The following PPM1L variants were observed in gnomAD, a reference collection of about 807,000 sequenced individuals.
PPM1L encodes protein phosphatase 1L.
PPM1L carries 13 observed loss-of-function variants against 31.4 expected under a neutral mutation model. The observed-to-expected ratio is 0.41, with a 90% CI of 0.27 to 0.66. The LOEUF (loss-of-function observed/expected upper bound fraction) is 0.66. Ranked by LOEUF, PPM1L falls within the 30% of genes least tolerant of loss-of-function variation. The pLI, the probability that PPM1L is intolerant of heterozygous loss-of-function variation, is 0.29. For missense variants in PPM1L, 326 were observed against 453.7 expected (o/e 0.72, Z 2.56); for synonymous variants, 184 against 175.4 (o/e 1.05, Z -0.39).
At chr3:160,944,865 A>AACATATAT (rs1553748208) in intron 1 of PPM1L, among the ~76,000 whole-genome samples, 7 of 40,994 alleles carry the variant, frequency 1.7e-4, no homozygotes, top group African/African-American at 5.0e-4. Flanking sequence ...TATTATATAT[A>AACATATAT]ATGTTATATA....
chr3:160,787,474 C>G (rs1711970439), intron 1 of PPM1L, among the ~76,000 whole-genome samples: 1 of 151,990 alleles, frequency 6.6e-6, no homozygotes, highest in Non-Finnish European at 1.5e-5. Flanking sequence ...TATTTAAGTT[C>G]CTCATAGATT....
chr3:160,768,205 A>G (rs1186150068), intron 1 of PPM1L, among the ~76,000 whole-genome samples: 1 of 152,156 alleles, frequency 6.6e-6, no homozygotes, highest in African/African-American at 2.4e-5. Context: ...TCTGGCAGGG[A>G]TTTTTGAATT....
At position 161,071,785 on chromosome 3, in the gene PPM1L, A is replaced by G. The variant is rs569265296; in HGVS notation, c.*2628A>G. 6.6e-5 allele frequency: 10 copies of G among 152,208 alleles called. No individual in the cohort carries two copies. The highest frequency in any genetic ancestry group is 9.6e-5 in the African/African-American group (4 of 41,500). The allele number at this position is 152,208 out of a possible 1,614,324, so 9.4% of individuals were successfully genotyped here. A position where few individuals can be genotyped will look rare whatever the true frequency, so the allele number is the denominator to read the frequency against. Reference sequence around the variant, plus strand: ...CAGACATCACTCCTGGGGGTGCCCTATGGTACACTGGCTGCTCCCCAGGGA... The same window carrying G: ...CAGACATCACTCCTGGGGGTGCCCTGTGGTACACTGGCTGCTCCCCAGGGA... On this transcript the variant is annotated 3_prime_UTR_variant, in exon 4 of 4. Coordinates refer to ENST00000498165, the MANE Select transcript of PPM1L (RefSeq NM_139245.4).
chr3:161,047,825 A>G (rs1324216999), intron 2 of PPM1L, among the ~76,000 whole-genome samples: 1 of 151,516 alleles, frequency 6.6e-6, no homozygotes, highest in East Asian at 1.9e-4. Context: ...TGACTAAAAC[A>G]AGAAATGGGG....
At chr3:161,043,906 T>G (rs1385364238) in intron 2 of PPM1L, among the ~76,000 whole-genome samples, 1 of 152,180 alleles carries the variant, frequency 6.6e-6, no homozygotes, top group Non-Finnish European at 1.5e-5. Flanking sequence ...GGCTTGTAAC[T>G]TTCTTGTTTC....
intron 2 of PPM1L, among the ~76,000 whole-genome samples, chr3:160,983,827 A>T (rs1323606819): frequency 6.6e-6 from 1 of 152,200 alleles, no homozygotes; most frequent in Admixed American, 6.5e-5. Flanking sequence ...GGGAGACATC[A>T]CATGTCAGCA....
intron 2 of PPM1L, among the ~76,000 whole-genome samples, chr3:161,058,659 G>A (rs915150866): frequency 1.3e-5 from 2 of 151,934 alleles, no homozygotes; most frequent in Non-Finnish European, 2.9e-5. Flanking sequence ...TCTGAGTCCC[G>A]TTTTCCTCAT....
intron 1 of PPM1L, among the ~76,000 whole-genome samples, chr3:160,841,032 A>C (rs1713863478): frequency 6.6e-6 from 1 of 152,166 alleles, no homozygotes; most frequent in African/African-American, 2.4e-5. Context: ...TCAAGTTGAC[A>C]CCTAAAAGTA....
At chr3:160,908,076 T>A (rs547986623) in intron 1 of PPM1L, among the ~76,000 whole-genome samples, 5 of 152,344 alleles carry the variant, frequency 3.3e-5, no homozygotes, top group African/African-American at 9.6e-5. Flanking sequence ...GAAGTTTTTT[T>A]AATTCTTTGT....
chr3:160,954,920 CTTCT>C (rs748122130), intron 1 of PPM1L, among the ~76,000 whole-genome samples: 7,501 of 109,172 alleles, frequency 0.069, 339 homozygotes, highest in African/African-American at 0.15. Flanking sequence ...TCCTTCCTTC[CTTCT>C]TTCCTTCCTT....
intron 1 of PPM1L, among the ~76,000 whole-genome samples, chr3:160,872,280 A>C (rs1712335444): frequency 6.6e-6 from 1 of 152,224 alleles, no homozygotes; most frequent in Non-Finnish European, 1.5e-5. Context: ...AACAATTCTT[A>C]GGTATCATTG....
chr3:160,884,931 G>C (rs1039818114), intron 1 of PPM1L, among the ~76,000 whole-genome samples: 1 of 152,170 alleles, frequency 6.6e-6, no homozygotes. Context: ...ACCTTCTGTT[G>C]TTCCCTGATC....
At chr3:160,821,238 ATATAAT>A (rs1351188770) in intron 1 of PPM1L, among the ~76,000 whole-genome samples, 1 of 148,490 alleles carries the variant, frequency 6.7e-6, no homozygotes, top group East Asian at 1.9e-4. Flanking sequence ...TATAAAAAAC[ATATAAT>A]TATATGTTTA....
intron 1 of PPM1L, among the ~76,000 whole-genome samples, chr3:160,809,078 C>A (rs765074002): frequency 1.5e-4 from 23 of 152,168 alleles, no homozygotes; most frequent in Non-Finnish European, 1.3e-4. Context: ...CACCAGCAAG[C>A]GTCCCAGAAT....
At chr3:160,963,683 AG>A (rs1716040798) in intron 2 of PPM1L, among the ~76,000 whole-genome samples, 1 of 152,030 alleles carries the variant, frequency 6.6e-6, no homozygotes. Context: ...TAGTGGATGA[AG>A]GGGCACAAGT....
chr3:160,804,093 C>CTTT lies in PPM1L; in HGVS notation c.399+47396_399+47398dup, dbSNP rs1255359891. ...CCACCACGCCCAGCTAATTTTTTTT[C>CTTT]TTTTTTTTTTTTCTATTTTTAGTAG... On this transcript the variant is annotated intron_variant, in intron 1 of 3. Transcript: ENST00000498165. 9.7e-5 allele frequency among the ~76,000 whole-genome samples: 14 copies of CTTT among 144,906 alleles called. 1 individual carries two copies. The highest frequency in any genetic ancestry group is 3.3e-4 in the African/African-American group (13 of 39,848).
intron 2 of PPM1L, among the ~76,000 whole-genome samples, chr3:161,009,047 C>T (rs570105821): frequency 1.3e-5 from 2 of 152,184 alleles, no homozygotes; most frequent in East Asian, 1.9e-4. Flanking sequence ...GGGAAGAAGC[C>T]GCAGACAGGG....
intron 1 of PPM1L, among the ~76,000 whole-genome samples, chr3:160,928,806 C>G (rs570362997): frequency 6.6e-6 from 1 of 152,110 alleles, no homozygotes; most frequent in East Asian, 1.9e-4. Context: ...AACAGGCCTT[C>G]GCCGGAGACT....
At chr3:161,026,124 G>C (rs765187522) in intron 2 of PPM1L, among the ~76,000 whole-genome samples, 5 of 152,204 alleles carry the variant, frequency 3.3e-5, no homozygotes, top group Non-Finnish European at 5.9e-5. Flanking sequence ...GGGCCTAAAA[G>C]TGCCATTGGC....
Sources: gnomAD v4.1 joint callset for allele counts (sites outside exome capture counted in the v4.1 genomes callset) on GRCh38, gnomAD v4.1.1 for gene constraint, MANE v1.5 for transcripts, NCBI Gene and HGNC (gene_info 2026-07-23, HGNC 2026-07-21) for gene names.